Variants in CC2D1A observed in about 807,000 individuals in gnomAD.
The protein encoded by CC2D1A is coiled-coil and C2 domain containing 1A, also known as coiled-coil and C2 domain-containing protein 1A.
Under a neutral mutation model 123.8 loss-of-function variants are expected in CC2D1A, and 68 were observed. That is an observed-to-expected ratio of 0.55 (90% confidence interval 0.45 to 0.67). The LOEUF (loss-of-function observed/expected upper bound fraction) is 0.67. Ranked by LOEUF, CC2D1A falls within the 30% of genes least tolerant of loss-of-function variation. CC2D1A has a pLI of 0.00. For synonymous variants in CC2D1A, 477 were observed against 528.0 expected (o/e 0.90, Z 1.32); for missense variants, 1,185 against 1,290.3 (o/e 0.92, Z 1.25).
intron 1 of CC2D1A, among the ~76,000 whole-genome samples, chr19:13,907,299 T>C (rs919862758): frequency 1.3e-5 from 2 of 151,766 alleles, no homozygotes; most frequent in Non-Finnish European, 2.9e-5. Context: ...GTAGTACTAC[T>C]ACTTGGGAGG....
rs750414630 is a variant in CC2D1A at position 13,909,657 on chromosome 19, G to A, written c.61-166G>A. ...TGTGCCAGAGGGCCTGGCCTATCTT[G>A]GAACACCTGTTCTGGGCTTGTTCCA... On this transcript the variant is annotated intron_variant, in intron 1 of 28. Coordinates refer to ENST00000318003, the MANE Select transcript of CC2D1A (RefSeq NM_017721.5). 15 of 867,816 alleles carry A rather than the reference G, an allele frequency of 1.7e-5. No homozygotes were observed. The African/African-American group carries it at 2.3e-4, about 13-fold the overall frequency. The allele number at this position is 867,816 out of a possible 1,614,324, so 53.8% of individuals were successfully genotyped here. A position where few individuals can be genotyped will look rare whatever the true frequency, so the allele number is the denominator to read the frequency against.
chr19:13,929,969 G>A (rs1387007670), intron 26 of CC2D1A, 109 bp from the exon 27 acceptor site: 24 of 1,065,116 alleles, frequency 2.3e-5, no homozygotes, highest in Admixed American at 9.0e-5. Flanking sequence ...GGAGGGGCTC[G>A]GGGATGGGCA....
Position 13,913,161 on chromosome 19 carries a change from C to A in CC2D1A, c.379-7C>A, listed in dbSNP as rs773784073. Reference sequence around the variant, plus strand: ...ACCACCCACACTGTGCCCCTGCCCTCCCACAGCCGAAGCCTGAGGCCCCTC... The same window carrying A: ...ACCACCCACACTGTGCCCCTGCCCTACCACAGCCGAAGCCTGAGGCCCCTC... On this transcript the variant is annotated splice_region_variant and splice_polypyrimidine_tract_variant and intron_variant, in intron 4 of 28. Transcript: ENST00000318003. The A allele has an allele frequency of 3.7e-6, 6 of 1,601,054 alleles. No homozygotes were observed. Among genetic ancestry groups the A allele is most frequent in the Non-Finnish European group, 4.3e-6 (5 of 1,174,860 alleles).
intron 1 of CC2D1A, among the ~76,000 whole-genome samples, chr19:13,909,106 T>G (rs1970897801): frequency 6.6e-6 from 1 of 152,154 alleles, no homozygotes; most frequent in African/African-American, 2.4e-5. Context: ...TTAAAAAGTT[T>G]TTTTTCCTGT....
rs776994005 is a variant in CC2D1A at position 13,919,059 on chromosome 19, G to C, written c.1149+17G>C. On this transcript the variant is annotated intron_variant, in intron 10 of 28. Coordinates refer to ENST00000318003, the MANE Select transcript of CC2D1A (RefSeq NM_017721.5). ...ATCGTCAAGGTGCCCTGGGGGTTCC[G>C]GGGGAGGTGGGGCGAGTGGGCAGCC... 4 of 1,601,614 alleles carry C rather than the reference G, an allele frequency of 2.5e-6. No individual in the cohort carries two copies. In the African/African-American group the frequency reaches 4.0e-5, roughly 16 times the overall value.
chr19:13,914,781 A>T lies in CC2D1A; in HGVS notation c.748+1143A>T, dbSNP rs113675384. 5.0e-3 allele frequency among the ~76,000 whole-genome samples: 757 copies of T among 152,218 alleles called. 7 individuals carry two copies. The highest frequency in any genetic ancestry group is 0.017 in the African/African-American group (718 of 41,550). On this transcript the variant is annotated intron_variant, in intron 6 of 28. Transcript: ENST00000318003. Reference sequence around the variant, plus strand: ...CTCCTGAGTAGCTGGGATTACAGGCATATGCCACCGTGCCCCATGCCCAGC... The same window carrying T: ...CTCCTGAGTAGCTGGGATTACAGGCTTATGCCACCGTGCCCCATGCCCAGC...
intron 5 of CC2D1A, 29 bp downstream of exon 5, chr19:13,913,331 AC>A (rs1289913400): frequency 1.2e-6 from 2 of 1,605,992 alleles, no homozygotes; most frequent in Non-Finnish European, 8.5e-7. Flanking sequence ...GGGTACAGGG[AC>A]CCCCCGCCAA....
At chr19:13,927,549 C>T (rs746498382) in intron 22 of CC2D1A, 90 of 474,118 alleles carry the variant, frequency 1.9e-4, no homozygotes, top group Admixed American at 1.7e-4. Flanking sequence ...GAGGCTGAGG[C>T]GGGCAGATCA....
At chr19:13,909,728 G>A (rs758770797) in intron 1 of CC2D1A, 95 bp from the exon 2 acceptor site, 27 of 1,530,730 alleles carry the variant, frequency 1.8e-5, no homozygotes, top group Non-Finnish European at 2.4e-5. Context: ...GGGAGACCTT[G>A]TTTCCTTCCT....
chr19:13,926,705 G>A lies in CC2D1A; in HGVS notation c.2053G>A (p.Asp685Asn), dbSNP rs777633314. The change falls in exon 19 of 29, where the codon GAC (aspartate) becomes AAC (asparagine). Residue 685 changes from aspartate to asparagine, a missense_variant. By Grantham distance (23) the Asp-to-Asn change is conservative. Transcript: ENST00000318003. ...PGDLDVFVRF[D>N]FPYPNVEEAQ... ...CGATCTGGATGTCTTTGTTCGGTTT[G>A]ACTTCCCCTATCCCAACGTGGTACG... 12 of 1,614,024 alleles carry A rather than the reference G, an allele frequency of 7.4e-6. No individual in the cohort carries two copies. The highest frequency in any genetic ancestry group is 3.3e-5 in the Admixed American group (2 of 60,004).
At chr19:13,918,339 C>A in intron 7 of CC2D1A, 145 bp downstream of exon 7, 1 of 1,180,882 alleles carries the variant, frequency 8.5e-7, no homozygotes, top group Non-Finnish European at 1.2e-6. Context: ...CAGTTTACCC[C>A]CTCTGTGAAA....
chr19:13,927,048 G>A lies in CC2D1A; in HGVS notation c.2196G>A (p.Lys732=), dbSNP rs1478350304. 1 of 1,613,978 alleles carries A rather than the reference G, an allele frequency of 6.2e-7. No individual in the cohort carries two copies. Among genetic ancestry groups the A allele is most frequent in the Non-Finnish European group, 8.5e-7 (1 of 1,180,032 alleles). The part of the protein sequence containing the change: ...HRGFRRAIQT[K]GIKFEVVHKG... ...GCTTCCGAAGGGCCATCCAGACCAA[G>A]GGCATCAAGTTCGAAGTGGTTCACA... is the stretch of plus-strand genomic sequence containing the variant. The change falls in exon 21 of 29, where the codon AAG becomes AAA. Residue 732 remains lysine, a synonymous_variant. Coordinates refer to ENST00000318003, the MANE Select transcript of CC2D1A (RefSeq NM_017721.5).
intron 6 of CC2D1A, among the ~76,000 whole-genome samples, chr19:13,916,154 G>C (rs1417110522): frequency 6.6e-6 from 1 of 152,150 alleles, no homozygotes; most frequent in Non-Finnish European, 1.5e-5. Flanking sequence ...CCACTCGGGT[G>C]GATGAGGCAA....
rs1008786378 is a variant in CC2D1A, at chr19:13,930,840, A to G, written c.*445A>G. ...GTCGACCTGGCCCAGCTGGGTCCCCAGGGCCAGCACATGGAATAAAATAGC... is the reference window on the plus strand; with the variant it reads ...GTCGACCTGGCCCAGCTGGGTCCCCGGGGCCAGCACATGGAATAAAATAGC... On this transcript the variant is annotated 3_prime_UTR_variant, in exon 29 of 29. Transcript: ENST00000318003. The surrounding 1 kb of genome is among the most constrained non-coding windows in gnomAD (Gnocchi z 6.8). 1.0e-5 allele frequency: 2 copies of G among 197,602 alleles called. No homozygotes were observed. Among genetic ancestry groups the G allele is most frequent in the Middle Eastern group, 2.1e-3 (1 of 474 alleles). 12.2% of individuals were successfully genotyped at this position (197,602 alleles called of 1,614,324 possible).
chr19:13,914,983 A>T (rs1971153736), intron 6 of CC2D1A, among the ~76,000 whole-genome samples: 1 of 152,210 alleles, frequency 6.6e-6, no homozygotes, highest in Non-Finnish European at 1.5e-5. Context: ...CAAAGAGACA[A>T]CTCAAAATAC....
rs1971878210 is a variant in CC2D1A, at chr19:13,930,708, C to T, written c.*313C>T. ...TGGCTGGGGCCAAGCCCCGAGGGCC[C>T]CTGCAAGCACTTTACTTCCTGTTCC... On this transcript the variant is annotated 3_prime_UTR_variant, in exon 29 of 29. Transcript: ENST00000318003. This position sits in a 1 kb window ranked among gnomAD's most constrained non-coding sequence, Gnocchi z 6.8. The T allele has an allele frequency of 2.1e-6, 1 of 470,832 alleles. No homozygotes were observed. Among genetic ancestry groups the T allele is most frequent in the Non-Finnish European group, 3.7e-6 (1 of 266,884 alleles). The allele number at this position is 470,832 out of a possible 1,614,324, so 29.2% of individuals were successfully genotyped here.
At chr19:13,909,777 C>A (rs1970928172) in intron 1 of CC2D1A, 46 bp from the exon 2 acceptor site, 1 of 1,609,526 alleles carries the variant, frequency 6.2e-7, no homozygotes, top group East Asian at 2.2e-5. Flanking sequence ...TGCCTCTAGC[C>A]ATGTGGTGAA....
intron 7 of CC2D1A, 106 bp downstream of exon 7, chr19:13,918,300 G>C: frequency 2.3e-6 from 3 of 1,332,056 alleles, no homozygotes; most frequent in Non-Finnish European, 3.0e-6. Context: ...TCACTCCCTA[G>C]CAATAGTTTG....
chr19:13,924,394 T>A (rs1971521139), intron 17 of CC2D1A, among the ~76,000 whole-genome samples: 1 of 151,868 alleles, frequency 6.6e-6, no homozygotes, highest in South Asian at 2.1e-4. Context: ...ATGGTCTCGA[T>A]CTCTTGACCT....
Sources: gnomAD v4.1 joint callset for allele counts (sites outside exome capture counted in the v4.1 genomes callset) on GRCh38, gnomAD v4.1.1 for gene constraint, Gnocchi (gnomAD v3.1) non-coding constraint, MANE v1.5 for transcripts, NCBI Gene and HGNC (gene_info 2026-07-23, HGNC 2026-07-21) for gene names.